SLC12A3: variants seen among roughly 807,000 people sequenced by gnomAD.
SLC12A3 encodes Na-Cl cotransporter.
A neutral mutation model predicts 121.0 loss-of-function variants in SLC12A3; 104 were observed. The observed-to-expected ratio is 0.86, with a 90% CI of 0.73 to 1.01. The LOEUF (loss-of-function observed/expected upper bound fraction) is 1.01, where lower values mean the gene tolerates loss of function less well. Ranked by LOEUF, SLC12A3 falls within the 50% of genes least tolerant of loss-of-function variation. The pLI is 0.00. For missense variants in SLC12A3, 1,328 were observed against 1,356.3 expected, an observed-to-expected ratio of 0.98 and a Z score of 0.33; for synonymous variants, 536 against 533.4, an observed-to-expected ratio of 1.00 and a Z score of -0.07.
intron 19 of SLC12A3, among the ~76,000 whole-genome samples, chr16:56,891,827 C>A (rs147468021): frequency 6.6e-6 from 1 of 152,316 alleles, no homozygotes; most frequent in Non-Finnish European, 1.5e-5. Flanking sequence ...GCTCAGGGCG[C>A]ACCCACCGCC....
At position 56,914,940 on chromosome 16, in the gene SLC12A3, G is replaced by C. The variant is rs1373715389; in HGVS notation, c.*1535G>C. On this transcript the variant is annotated 3_prime_UTR_variant, in exon 26 of 26. Coordinates refer to ENST00000563236, the MANE Select transcript of SLC12A3 (RefSeq NM_001126108.2). ...ATGGAAAGAGCAGGCGGCAGAGGGG[G>C]CTGGCAGGGAGGGGCTGTTAAGAGT... 1.3e-5 allele frequency: 2 copies of C among 152,050 alleles called. No homozygotes were observed. Among genetic ancestry groups the C allele is most frequent in the Non-Finnish European group, 2.9e-5 (2 of 68,122 alleles). 9.4% of individuals were successfully genotyped at this position (152,050 alleles called of 1,614,324 possible). A position where few individuals can be genotyped will look rare whatever the true frequency, so the allele number is the denominator to read the frequency against.
chr16:56,902,034 A>G (rs2055545292), intron 23 of SLC12A3, among the ~76,000 whole-genome samples: 1 of 152,228 alleles, frequency 6.6e-6, no homozygotes, highest in African/African-American at 2.4e-5. Flanking sequence ...CTACTTGCTT[A>G]TCACCGTGGC....
chr16:56,879,522 T>C lies in SLC12A3; in HGVS notation c.1336-20T>C. On this transcript the variant is annotated intron_variant, in intron 10 of 25. Coordinates refer to ENST00000563236, the MANE Select transcript of SLC12A3 (RefSeq NM_001126108.2). ...GGCTCAGCCCCCACCGTGGAGTCCC[T>C]GAGCCCCAAATCCCCACAGACCATG... is the stretch of plus-strand genomic sequence containing the variant. 6.2e-7 allele frequency: 1 copy of C among 1,603,096 alleles called. No homozygotes were observed. Among genetic ancestry groups the C allele is most frequent in the Non-Finnish European group, 8.5e-7 (1 of 1,170,580 alleles).
intron 25 of SLC12A3, among the ~76,000 whole-genome samples, chr16:56,912,777 G>T (rs1464255119): frequency 2.0e-5 from 3 of 152,208 alleles, no homozygotes; most frequent in African/African-American, 7.2e-5. Context: ...AAAGTGGGGT[G>T]ATGTGAGGAA....
chr16:56,870,840 CTT>C (rs71152213), intron 6 of SLC12A3, 104 bp downstream of exon 6: 726 of 559,406 alleles, frequency 1.3e-3, no homozygotes, highest in Non-Finnish European at 1.4e-3. Context: ...TTTTTCTTTT[CTT>C]TTTTTTTTTT....
rs1290312381 is a variant in SLC12A3 at position 56,872,333 on chromosome 16, G to T, written c.853-18G>T. 7.0e-6 allele frequency: 11 copies of T among 1,581,298 alleles called. No individual in the cohort carries two copies. In the South Asian group the frequency reaches 1.1e-4, roughly 16 times the overall value. On this transcript the variant is annotated intron_variant, in intron 6 of 25. Transcript: ENST00000563236. ...AGAACAAAACTATCTGACCTCTGGG[G>T]TCCTTCGCCCCCTCCAGGCCCAGGT...
chr16:56,885,096 C>T (rs2055292052), intron 14 of SLC12A3, among the ~76,000 whole-genome samples, 169 bp from the exon 15 acceptor site: 1 of 152,188 alleles, frequency 6.6e-6, no homozygotes, highest in Non-Finnish European at 1.5e-5. Flanking sequence ...CGTGCAGCCA[C>T]ACAGTCCGCA....
chr16:56,882,492 C>T lies in SLC12A3; in HGVS notation c.1664C>T (p.Ser555Leu), dbSNP rs148038173. Residue 555 changes from serine to leucine, a missense_variant, in exon 13 of 26, where the codon TCG becomes TTG. Ser to Leu is a moderately radical substitution (Grantham distance 145). Coordinates refer to ENST00000563236, the MANE Select transcript of SLC12A3 (RefSeq NM_001126108.2). ...FSCFHASITN[S>L]PGWRPSFQYY... is the part of the protein sequence containing the mutation. Reference sequence around the variant, plus strand: ...TGCTTCCACGCCTCCATCACCAACTCGCCTGGTAAGCAAACCCTTCACCCA... The same window carrying T: ...TGCTTCCACGCCTCCATCACCAACTTGCCTGGTAAGCAAACCCTTCACCCA... The T allele has an allele frequency of 1.6e-4, 253 of 1,612,832 alleles. No individual in the cohort carries two copies. Among genetic ancestry groups the T allele is most frequent in the Non-Finnish European group, 2.0e-4 (240 of 1,178,914 alleles).
In SLC12A3 at chr16:56,913,503, G is replaced by A; in HGVS notation, c.*98G>A. The A allele has an allele frequency of 8.0e-7, 1 of 1,255,728 alleles. No individual in the cohort carries two copies. The highest frequency in any genetic ancestry group is 1.2e-6 in the Non-Finnish European group (1 of 854,050). The allele number at this position is 1,255,728 out of a possible 1,614,324, so 77.8% of individuals were successfully genotyped here. ...ACAGGGATGAGACTCATGTTCTGTT[G>A]CACTTTAAGTGGCAGCATCTGATGA... On this transcript the variant is annotated 3_prime_UTR_variant, in exon 26 of 26. Transcript: ENST00000563236.
rs1472105874 is a variant in SLC12A3, at chr16:56,892,031, G to A, written c.2369-52G>A. 18 of 1,389,158 alleles carry A rather than the reference G, an allele frequency of 1.3e-5. No homozygotes were observed. The East Asian group carries it at 1.8e-4, about 14-fold the overall frequency. The allele number at this position is 1,389,158 out of a possible 1,614,324, so 86.1% of individuals were successfully genotyped here. On this transcript the variant is annotated intron_variant, in intron 19 of 25. Coordinates refer to ENST00000563236, the MANE Select transcript of SLC12A3 (RefSeq NM_001126108.2). ...GGAGCCCTGTCAAGGAGGAACCCAC[G>A]GTGCCCTCAGACAAGGAGAGCCTGT... is the stretch of plus-strand genomic sequence containing the variant.
chr16:56,888,748 C>T (rs147958558), intron 18 of SLC12A3, among the ~76,000 whole-genome samples: 16,284 of 151,566 alleles, frequency 0.11, 953 homozygotes, highest in Middle Eastern at 0.16. Flanking sequence ...TTAGTAGAGA[C>T]GGGGTTTCAC....
chr16:56,872,784 A>G lies in SLC12A3; in HGVS notation c.1093A>G (p.Lys365Glu). Reference protein sequence around the residue: ...LAGANISGDLKDPAIAIPKGT... With the variant: ...LAGANISGDLEDPAIAIPKGT... The stretch of plus-strand genomic sequence containing the variant: ...AGGGGCCAACATATCTGGTGACCTC[A>G]AGGTGAGCAGAATACTTGCCCCTCC... The change falls in exon 8 of 26, where the codon AAG becomes GAG. Residue 365 changes from lysine to glutamate, a missense_variant and splice_region_variant. Coordinates refer to ENST00000563236, the MANE Select transcript of SLC12A3 (RefSeq NM_001126108.2). 2 of 1,614,174 alleles carry G rather than the reference A, an allele frequency of 1.2e-6. No individual in the cohort carries two copies. The highest frequency in any genetic ancestry group is 2.2e-5 in the South Asian group (2 of 91,088).
chr16:56,891,466 G>A (rs796349779), intron 19 of SLC12A3, among the ~76,000 whole-genome samples: 13 of 152,106 alleles, frequency 8.5e-5, no homozygotes, highest in African/African-American at 3.1e-4. Context: ...GAGACTGGGA[G>A]CTTGGAGTCC....
intron 22 of SLC12A3, among the ~76,000 whole-genome samples, chr16:56,895,069 AC>A (rs2055443924): frequency 6.6e-6 from 1 of 151,540 alleles, no homozygotes; most frequent in African/African-American, 2.4e-5. Context: ...TCCAGGAGGA[AC>A]CTGTATGAAA....
chr16:56,888,715 C>A (rs936276337), intron 18 of SLC12A3, among the ~76,000 whole-genome samples: 5 of 151,352 alleles, frequency 3.3e-5, no homozygotes, highest in Non-Finnish European at 3.0e-5. Flanking sequence ...CCCGCCACCA[C>A]GCCCGGCTAA....
Position 56,879,416 on chromosome 16 carries a change from G to A in SLC12A3, c.1336-126G>A, listed in dbSNP as rs1274735032. The A allele has an allele frequency of 1.0e-5, 11 of 1,056,822 alleles. No individual in the cohort carries two copies. In the African/African-American group the frequency reaches 1.6e-4, roughly 15 times the overall value. 65.5% of individuals were successfully genotyped at this position (1,056,822 alleles called of 1,614,324 possible). ...TGGGTGGACACTGGGATCTCCAGGGGTGGGTTGTGGACTCAGGTGGAGGCT... is the reference window on the plus strand; with the variant it reads ...TGGGTGGACACTGGGATCTCCAGGGATGGGTTGTGGACTCAGGTGGAGGCT... On this transcript the variant is annotated intron_variant, in intron 10 of 25. Transcript: ENST00000563236.
At chr16:56,878,332 A>G (rs900554216) in intron 9 of SLC12A3, among the ~76,000 whole-genome samples, 171 bp downstream of exon 9, 6 of 151,884 alleles carry the variant, frequency 4.0e-5, no homozygotes, top group East Asian at 1.9e-4. Context: ...CCTTGAACCT[A>G]TCTCTGGGGT....
intron 25 of SLC12A3, among the ~76,000 whole-genome samples, chr16:56,905,317 A>G (rs1359009536): frequency 7.6e-5 from 11 of 144,464 alleles, no homozygotes; most frequent in African/African-American, 2.7e-4. Context: ...CCAGCCTGGC[A>G]ACAAGAGCGA....
At position 56,870,662 on chromosome 16, in the gene SLC12A3, A is replaced by C; in HGVS notation, c.778A>C (p.Ile260Leu). Residue 260 changes from isoleucine (I) to leucine (L), a missense_variant, in exon 6 of 26, where the codon ATC (isoleucine) becomes CTC (leucine). Transcript: ENST00000563236. ...GAPIVDPIND[I>L]RIIAVVSVTV... Reference sequence around the variant, plus strand: ...ACCCATCGTGGACCCCATTAACGACATCCGCATCATTGCCGTGGTCTCGGT... The same window carrying C: ...ACCCATCGTGGACCCCATTAACGACCTCCGCATCATTGCCGTGGTCTCGGT... 1 of 1,613,762 alleles carries C rather than the reference A, an allele frequency of 6.2e-7. No homozygotes were observed. The highest frequency in any genetic ancestry group is 8.5e-7 in the Non-Finnish European group (1 of 1,179,744).
Sources: gnomAD v4.1 joint callset for allele counts (sites outside exome capture counted in the v4.1 genomes callset) on GRCh38, gnomAD v4.1.1 for gene constraint, MANE v1.5 for transcripts, NCBI Gene and HGNC (gene_info 2026-07-23, HGNC 2026-07-21) for gene names.